Variants in COL26A1 observed in about 807,000 individuals in gnomAD.
COL26A1 encodes the protein collagen alpha-1(XXVI) chain.
Under a neutral mutation model 59.3 loss-of-function variants are expected in COL26A1, and 41 were observed. The ratio of observed to expected loss-of-function variants is 0.69; its 90% confidence interval spans 0.54 to 0.90. The LOEUF (loss-of-function observed/expected upper bound fraction) is 0.90, where lower values mean the gene tolerates loss of function less well. Among genes scored for constraint, COL26A1 ranks in the 40% least tolerant of loss-of-function variants. COL26A1 has a pLI of 0.00. For missense variants in COL26A1, 612 were observed against 602.3 expected, an observed-to-expected ratio of 1.02 and a Z score of -0.17; for synonymous variants, 266 against 256.0, an observed-to-expected ratio of 1.04 and a Z score of -0.37.
chr7:101,396,305 T>C (rs1239093198), intron 1 of COL26A1, among the ~76,000 whole-genome samples: 1 of 151,918 alleles, frequency 6.6e-6, no homozygotes, highest in Non-Finnish European at 1.5e-5. Context: ...CTCCTAGTGG[T>C]TCCCCATGCC....
intron 1 of COL26A1, among the ~76,000 whole-genome samples, chr7:101,364,012 G>C (rs1790979298): frequency 6.6e-6 from 1 of 152,096 alleles, no homozygotes; most frequent in African/African-American, 2.4e-5. Context: ...CGTGGAACCG[G>C]CTGGGATCGG....
At chr7:101,389,061 T>G (rs1791662596) in intron 1 of COL26A1, 1 of 233,146 alleles carries the variant, frequency 4.3e-6, no homozygotes, top group Non-Finnish European at 8.5e-6. Context: ...AGAATCAGCC[T>G]TCTTGGCTTC....
At chr7:101,528,909 T>C (rs1795308153) in intron 3 of COL26A1, among the ~76,000 whole-genome samples, 1 of 152,180 alleles carries the variant, frequency 6.6e-6, no homozygotes, top group South Asian at 2.1e-4. Context: ...CTCACGCCTG[T>C]CATCTCAGCT....
At chr7:101,375,992 A>G (rs1791306436) in intron 1 of COL26A1, among the ~76,000 whole-genome samples, 1 of 54,694 alleles carries the variant, frequency 1.8e-5, no homozygotes, top group Non-Finnish European at 5.9e-5. Context: ...TCTCAAAGAA[A>G]AAAAAAAAAA....
intron 2 of COL26A1, among the ~76,000 whole-genome samples, chr7:101,426,175 G>T (rs1240000383): frequency 1.3e-5 from 2 of 152,104 alleles, no homozygotes; most frequent in Non-Finnish European, 2.9e-5. Context: ...TCTGCTGCAA[G>T]AGTCTGCGTG....
chr7:101,432,143 G>A (rs1272485060), intron 2 of COL26A1, among the ~76,000 whole-genome samples: 5 of 151,928 alleles, frequency 3.3e-5, no homozygotes, highest in Admixed American at 2.0e-4. Flanking sequence ...TGTATTTTTA[G>A]TAGAGACAGG....
intron 1 of COL26A1, among the ~76,000 whole-genome samples, chr7:101,372,403 C>G (rs1344216288): frequency 6.6e-6 from 1 of 152,068 alleles, no homozygotes; most frequent in Non-Finnish European, 1.5e-5. Flanking sequence ...GTCAAGTGAT[C>G]CATCTGCCTT....
At chr7:101,438,234 G>T (rs922053857) in intron 2 of COL26A1, among the ~76,000 whole-genome samples, 2 of 151,430 alleles carry the variant, frequency 1.3e-5, no homozygotes, top group Admixed American at 6.6e-5. Context: ...GGTGGTGCAT[G>T]CCTGTAATCC....
chr7:101,549,703 G>A (rs117052906), intron 9 of COL26A1, among the ~76,000 whole-genome samples: 404 of 152,310 alleles, frequency 2.7e-3, no homozygotes, highest in Non-Finnish European at 4.3e-3. Flanking sequence ...TTTATTAGCA[G>A]CAGTGACTCT....
At chr7:101,482,794 T>C (rs2130496817) in intron 3 of COL26A1, among the ~76,000 whole-genome samples, 1 of 152,182 alleles carries the variant, frequency 6.6e-6, no homozygotes, top group Admixed American at 6.5e-5. Context: ...CTATCTCTAC[T>C]AAAAATACAA....
chr7:101,453,161 G>A (rs150830068), intron 3 of COL26A1, among the ~76,000 whole-genome samples: 3,548 of 152,282 alleles, frequency 0.023, 54 homozygotes, highest in Non-Finnish European at 0.033. Context: ...GAGGTCAGGA[G>A]TTCGAGACCA....
chr7:101,480,802 C>G (rs779718700), intron 3 of COL26A1, among the ~76,000 whole-genome samples: 1 of 152,156 alleles, frequency 6.6e-6, no homozygotes. Flanking sequence ...TGTACCTGGC[C>G]TTCCCTGGTG....
Position 101,519,569 on chromosome 7 carries a change from T to A in COL26A1, c.386-13513T>A, listed in dbSNP as rs1040282201. 6.7e-4 allele frequency among the ~76,000 whole-genome samples: 102 copies of A among 152,198 alleles called. 4 individuals carry two copies. Among genetic ancestry groups the A allele is most frequent in the Non-Finnish European group, 2.2e-4 (15 of 68,036 alleles). ...GCTTCCTGCTCTATGCATGTGCACC[T>A]TCTGAGATCCCACTCAGCCACTGCC... On this transcript the variant is annotated intron_variant, in intron 3 of 12. Coordinates refer to ENST00000313669, the MANE Select transcript of COL26A1 (RefSeq NM_001278563.3).
At chr7:101,474,190 T>C (rs1191983899) in intron 3 of COL26A1, among the ~76,000 whole-genome samples, 2 of 152,158 alleles carry the variant, frequency 1.3e-5, no homozygotes, top group East Asian at 1.9e-4. Flanking sequence ...GGTTAAGTGA[T>C]TGGATGAAGG....
intron 3 of COL26A1, among the ~76,000 whole-genome samples, chr7:101,466,156 A>T (rs1384679644): frequency 6.6e-6 from 1 of 151,964 alleles, no homozygotes; most frequent in Non-Finnish European, 1.5e-5. Context: ...ATAGCCTCAG[A>T]CCCAGCATTT....
chr7:101,524,075 G>A (rs1795191162), intron 3 of COL26A1, among the ~76,000 whole-genome samples: 1 of 152,072 alleles, frequency 6.6e-6, no homozygotes, highest in African/African-American at 2.4e-5. Context: ...TTCGAGACCA[G>A]CATGACCAAC....
At chr7:101,388,288 C>T (rs892920780) in intron 1 of COL26A1, among the ~76,000 whole-genome samples, 4 of 151,604 alleles carry the variant, frequency 2.6e-5, no homozygotes, top group African/African-American at 7.3e-5. Flanking sequence ...GCCTGGCCAA[C>T]ATGGTGAAAC....
In COL26A1 at chr7:101,471,571, GTTTTTTTTTTTTTT is replaced by G. The variant is rs71517177; in HGVS notation, c.385+23797_385+23810del. Among the ~76,000 whole-genome samples, 409 of 93,020 alleles carry G rather than the reference GTTTTTTTTTTTTTT, an allele frequency of 4.4e-3. 2 individuals carry two copies. Among genetic ancestry groups the G allele is most frequent in the African/African-American group, 0.015 (386 of 25,660 alleles). 61.0% of individuals were successfully genotyped at this position (93,020 alleles called of 152,430 possible). Reference sequence around the variant, plus strand: ...TGTTTTGTTGTTGTTGTTGTTGTTTGTTTTTTTTTTTTTTTTTTTTTTTTTTGAGACAGAGTCTC... The same window carrying G: ...TGTTTTGTTGTTGTTGTTGTTGTTTGTTTTTTTTTTTTGAGACAGAGTCTC... On this transcript the variant is annotated intron_variant, in intron 3 of 12. Transcript: ENST00000313669.
chr7:101,419,907 C>G, intron 1 of COL26A1, 70 bp from the exon 2 acceptor site: 1 of 1,561,980 alleles, frequency 6.4e-7, no homozygotes. Context: ...CTGTCCAGCA[C>G]GGCCCCCTGA....
Sources: gnomAD v4.1 joint callset for allele counts (sites outside exome capture counted in the v4.1 genomes callset) on GRCh38, gnomAD v4.1.1 for gene constraint, MANE v1.5 for transcripts, NCBI Gene and HGNC (gene_info 2026-07-23, HGNC 2026-07-21) for gene names.